Variants in GRM5 observed in about 807,000 individuals in gnomAD.
The protein encoded by GRM5 is metabotropic glutamate receptor 5.
Under a neutral mutation model 83.1 loss-of-function variants are expected in GRM5, and 19 were observed. The ratio of observed to expected loss-of-function variants is 0.23; its 90% CI spans 0.16 to 0.34. The LOEUF (loss-of-function observed/expected upper bound fraction) is 0.34. Ranked by LOEUF, GRM5 falls within the 10% of genes least tolerant of loss-of-function variation. The pLI, the probability that GRM5 is intolerant of heterozygous loss-of-function variation, is 1.00. For synonymous variants in GRM5, 675 were observed against 633.6 expected, an observed-to-expected ratio of 1.07 and a Z score of -0.98; for missense variants, 1,160 against 1,588.3, an observed-to-expected ratio of 0.73 and a Z score of 4.58.
At chr11:89,050,474 G>A (rs951850735) in intron 1 of GRM5, among the ~76,000 whole-genome samples, 25 of 152,030 alleles carry the variant, frequency 1.6e-4, no homozygotes, top group African/African-American at 5.3e-4. Flanking sequence ...GCTGAAACCT[G>A]GTGAATACAA....
At chr11:88,699,707 C>G (rs912083899) in intron 3 of GRM5, among the ~76,000 whole-genome samples, 4 of 151,382 alleles carry the variant, frequency 2.6e-5, no homozygotes, top group African/African-American at 9.7e-5. Context: ...ACATGTGGAT[C>G]AAGCATGAGC....
intron 4 of GRM5, among the ~76,000 whole-genome samples, chr11:88,622,778 G>A (rs576183599): frequency 3.3e-5 from 5 of 152,186 alleles, no homozygotes; most frequent in African/African-American, 9.6e-5. Context: ...CCTAAAATCC[G>A]TAAAATTGCA....
intron 3 of GRM5, among the ~76,000 whole-genome samples, chr11:88,816,232 A>G (rs1171930486): frequency 6.9e-6 from 1 of 145,700 alleles, no homozygotes; most frequent in Non-Finnish European, 1.5e-5. Context: ...AAAAAAAAAA[A>G]AAAAAAAAAA....
chr11:88,722,369 C>G (rs1218684997), intron 3 of GRM5, among the ~76,000 whole-genome samples: 1 of 152,164 alleles, frequency 6.6e-6, no homozygotes, highest in Non-Finnish European at 1.5e-5. Context: ...TCTGACACAA[C>G]TCCAACCTGC....
chr11:88,693,001 T>C (rs1419318757), intron 3 of GRM5, among the ~76,000 whole-genome samples: 10 of 152,006 alleles, frequency 6.6e-5, no homozygotes, highest in Admixed American at 6.6e-4. Context: ...CTGCACTGAG[T>C]GGTCTACTGC....
intron 7 of GRM5, among the ~76,000 whole-genome samples, chr11:88,585,578 A>G (rs976014883): frequency 2.0e-5 from 3 of 152,114 alleles, no homozygotes; most frequent in African/African-American, 7.2e-5. Context: ...CTGTGTCCAC[A>G]ACACTCTTCT....
intron 4 of GRM5, among the ~76,000 whole-genome samples, chr11:88,643,976 T>C (rs1430063107): frequency 1.3e-5 from 2 of 152,214 alleles, no homozygotes; most frequent in African/African-American, 4.8e-5. Flanking sequence ...TGAAACTTAC[T>C]TTAAGAGAAG....
intron 2 of GRM5, among the ~76,000 whole-genome samples, chr11:88,989,238 C>A (rs1168001893): frequency 9.7e-4 from 139 of 143,712 alleles, no homozygotes; most frequent in African/African-American, 3.5e-3. Context: ...AGACTTTAAA[C>A]CAACAAAGAT....
At chr11:89,037,921 A>G (rs1183821757) in intron 2 of GRM5, among the ~76,000 whole-genome samples, 2 of 152,170 alleles carry the variant, frequency 1.3e-5, no homozygotes, top group Non-Finnish European at 2.9e-5. Flanking sequence ...TTAAATGGTA[A>G]CCCACAGGCT....
At position 88,737,226 on chromosome 11, in the gene GRM5, T is replaced by C. The variant is rs920221129; in HGVS notation, c.912-83823A>G. Reference sequence around the variant, plus strand: ...AGACACAGATTTCATTGTGGATGTCTCCTTTAACAGTATAATGCTATCAGG... The same window carrying C: ...AGACACAGATTTCATTGTGGATGTCCCCTTTAACAGTATAATGCTATCAGG... On this transcript the variant is annotated intron_variant, in intron 3 of 9. Coordinates refer to ENST00000305447, the MANE Select transcript of GRM5 (RefSeq NM_001143831.3). Among the ~76,000 whole-genome samples the C allele has an allele frequency of 2.6e-5, 4 of 152,094 alleles. No individual in the cohort carries two copies. The South Asian group carries it at 8.3e-4, about 31-fold the overall frequency.
At chr11:88,585,647 C>G (rs568933621) in intron 7 of GRM5, among the ~76,000 whole-genome samples, 53 of 152,258 alleles carry the variant, frequency 3.5e-4, no homozygotes, top group African/African-American at 1.2e-3. Context: ...GCCCACAATT[C>G]ATTGAAGAGG....
intron 8 of GRM5, among the ~76,000 whole-genome samples, chr11:88,566,630 A>G (rs1048732534): frequency 6.6e-6 from 1 of 152,150 alleles, no homozygotes; most frequent in Non-Finnish European, 1.5e-5. Flanking sequence ...GTGCAGTCTG[A>G]TGTGTCGAGT....
chr11:88,513,371 T>C (rs181164778), intron 9 of GRM5, among the ~76,000 whole-genome samples: 167 of 152,328 alleles, frequency 1.1e-3, no homozygotes, highest in African/African-American at 3.9e-3. Flanking sequence ...ATTTTTAAAA[T>C]TTATACTGAA....
intron 2 of GRM5, among the ~76,000 whole-genome samples, chr11:89,044,717 A>T (rs1941607989): frequency 6.6e-6 from 1 of 152,142 alleles, no homozygotes; most frequent in South Asian, 2.1e-4. Flanking sequence ...ATAAATTATC[A>T]AGTACTGGGA....
Position 88,927,318 on chromosome 11 carries a change from A to G in GRM5, c.662-77163T>C, listed in dbSNP as rs1039794862. On this transcript the variant is annotated intron_variant, in intron 2 of 9. Coordinates refer to ENST00000305447, the MANE Select transcript of GRM5 (RefSeq NM_001143831.3). The stretch of plus-strand genomic sequence containing the variant: ...ATGTCTGGCAGAAAGAATATATTCT[A>G]GAAGTAAAACCTCAGACTTAGATTC... Among the ~76,000 whole-genome samples the G allele has an allele frequency of 7.8e-4, 118 of 152,176 alleles. 1 individual carries two copies. Among genetic ancestry groups the G allele is most frequent in the Non-Finnish European group, 7.4e-5 (5 of 68,024 alleles).
chr11:88,855,406 T>C (rs1408655892), intron 2 of GRM5, among the ~76,000 whole-genome samples: 1 of 151,962 alleles, frequency 6.6e-6, no homozygotes, highest in African/African-American at 2.4e-5. Flanking sequence ...CATTTTTCCA[T>C]GTTGTACAAA....
intron 3 of GRM5, among the ~76,000 whole-genome samples, chr11:88,703,641 C>G (rs763719235): frequency 6.6e-6 from 1 of 152,030 alleles, no homozygotes; most frequent in East Asian, 1.9e-4. Flanking sequence ...GGCGGTTACC[C>G]TCACGATATT....
chr11:89,031,269 C>T (rs1332179615), intron 2 of GRM5, among the ~76,000 whole-genome samples: 9 of 151,864 alleles, frequency 5.9e-5, no homozygotes, highest in Non-Finnish European at 1.2e-4. Flanking sequence ...ATTTAAAACA[C>T]TTACAATATT....
At chr11:88,572,497 T>C (rs1243022160) in intron 7 of GRM5, among the ~76,000 whole-genome samples, 2 of 152,178 alleles carry the variant, frequency 1.3e-5, no homozygotes, top group Non-Finnish European at 2.9e-5. Flanking sequence ...TTCACAGATA[T>C]CTCTTCTGAC....
Sources: gnomAD v4.1 joint callset for allele counts (sites outside exome capture counted in the v4.1 genomes callset) on GRCh38, gnomAD v4.1.1 for gene constraint, MANE v1.5 for transcripts, NCBI Gene and HGNC (gene_info 2026-07-23, HGNC 2026-07-21) for gene names.